The following CLPTM1 variants were observed in gnomAD, a reference collection of about 807,000 sequenced individuals.
CLPTM1 encodes CLPTM1 regulator of GABA type A receptor forward trafficking.
A neutral mutation model predicts 77.3 loss-of-function variants in CLPTM1; 21 were observed. That is an observed-to-expected ratio of 0.27 (90% CI 0.19 to 0.39). CLPTM1 has a LOEUF of 0.39. Among genes scored for constraint, CLPTM1 ranks in the 10% least tolerant of loss-of-function variants. CLPTM1 has a pLI of 1.00. For missense variants in CLPTM1, 642 were observed against 921.2 expected (o/e 0.70, Z 3.92); for synonymous variants, 373 against 381.0 (o/e 0.98, Z 0.24).
intron 2 of CLPTM1, among the ~76,000 whole-genome samples, chr19:44,969,436 G>A (rs931915469): frequency 2.0e-5 from 3 of 152,114 alleles, no homozygotes; most frequent in African/African-American, 7.2e-5. Context: ...ATGGCTGCAT[G>A]CAGCTGAGAA....
In CLPTM1 at chr19:44,993,116, G is replaced by C. The variant is rs1297756788; in HGVS notation, c.*219G>C. 1.9e-6 allele frequency: 1 copy of C among 516,992 alleles called. No homozygotes were observed. Among genetic ancestry groups the C allele is most frequent in the Non-Finnish European group, 3.7e-6 (1 of 272,240 alleles). The allele number at this position is 516,992 out of a possible 1,614,324, so 32.0% of individuals were successfully genotyped here. On this transcript the variant is annotated 3_prime_UTR_variant, in exon 14 of 14. Transcript: ENST00000337392. Reference sequence around the variant, plus strand: ...GTCCCTCTGTCCCTCTGTGTTTCCAGCCATCTCGCCCTGCCAGCCCAGCAC... The same window carrying C: ...GTCCCTCTGTCCCTCTGTGTTTCCACCCATCTCGCCCTGCCAGCCCAGCAC...
At chr19:44,955,293 G>T (rs1219076061), upstream of CLPTM1, 7 of 1,445,842 alleles carry the variant, frequency 4.8e-6, no homozygotes, top group Admixed American at 2.6e-5. Context: ...GCCGGATAGG[G>T]TGGCCCGGCG....
rs200436314 is a variant in CLPTM1, at chr19:44,977,348, C to T, written c.474C>T (p.Val158=). The T allele has an allele frequency of 8.7e-6, 14 of 1,608,804 alleles. No individual in the cohort carries two copies. The East Asian group carries it at 2.9e-4, about 33-fold the overall frequency. ...HFAELDIPQS[V]QQNGSIYIHV... is the part of the protein sequence containing the mutation. ...TGACCTTCCGTCTTTTGCAGAGCGT[C>T]CAGCAGAACGGCTCCATCTACATCC... The change falls in exon 5 of 14, where the codon GTC becomes GTT. Residue 158 remains valine, a synonymous_variant. Coordinates refer to ENST00000337392, the MANE Select transcript of CLPTM1 (RefSeq NM_001294.4).
intron 5 of CLPTM1, among the ~76,000 whole-genome samples, chr19:44,978,563 G>T (rs934655789): frequency 2.0e-5 from 3 of 150,226 alleles, no homozygotes; most frequent in East Asian, 2.0e-4. Flanking sequence ...AACCTGGGAG[G>T]TCAAGGATGC....
At chr19:44,955,009 C>A (rs1970434754), upstream of CLPTM1, 1 of 1,535,592 alleles carries the variant, frequency 6.5e-7, no homozygotes. Context: ...GCTCAAGAAA[C>A]ATGGAACGAA....
Position 44,967,057 on chromosome 19 carries a change from A to G in CLPTM1, c.185+4982A>G, listed in dbSNP as rs540786246. ...AGGGTTTCATCGTGTTAGCCAGGAT[A>G]GTCTCGATCTCCTGACCTCGCTATC... On this transcript the variant is annotated intron_variant, in intron 2 of 13. Transcript: ENST00000337392. 2.0e-4 allele frequency among the ~76,000 whole-genome samples: 31 copies of G among 152,274 alleles called. No homozygotes were observed. The East Asian group carries it at 3.5e-3, about 17-fold the overall frequency.
At position 44,972,501 on chromosome 19, in the gene CLPTM1, G is replaced by A. The variant is rs373111578; in HGVS notation, c.186-586G>A. Among the ~76,000 whole-genome samples the A allele has an allele frequency of 7.2e-4, 110 of 152,022 alleles. 2 individuals carry two copies. The East Asian group carries it at 0.015, about 21-fold the overall frequency. Reference sequence around the variant, plus strand: ...CCTGACCTCGTGATCCGCCCGCCTTGGCCTCCCAAAGTGCTGGGATTACAG... The same window carrying A: ...CCTGACCTCGTGATCCGCCCGCCTTAGCCTCCCAAAGTGCTGGGATTACAG... On this transcript the variant is annotated intron_variant, in intron 2 of 13. Transcript: ENST00000337392.
chr19:44,988,139 T>G lies in CLPTM1; in HGVS notation c.1098T>G (p.Val366=). The change falls in exon 9 of 14, where the codon GTT becomes GTG. Residue 366 remains valine (V), a synonymous_variant. Transcript: ENST00000337392. Reference sequence around the variant, plus strand: ...CGCTCACCATCATCGTGTCTATCGTTCACAGTGTCTTCGAGTTCCTGGCCT... The same window carrying G: ...CGCTCACCATCATCGTGTCTATCGTGCACAGTGTCTTCGAGTTCCTGGCCT... ...LLALTIIVSI[V]HSVFEFLAFK... 6.2e-7 allele frequency: 1 copy of G among 1,614,106 alleles called. No homozygotes were observed.
intron 5 of CLPTM1, among the ~76,000 whole-genome samples, chr19:44,983,738 A>G (rs989176137): frequency 7.9e-5 from 12 of 151,884 alleles, no homozygotes; most frequent in Admixed American, 6.6e-5. Context: ...CAAGGTGGGC[A>G]GATCACGAGA....
intron 5 of CLPTM1, among the ~76,000 whole-genome samples, chr19:44,982,932 A>G (rs1970921048): frequency 6.6e-6 from 1 of 152,070 alleles, no homozygotes; most frequent in Non-Finnish European, 1.5e-5. Flanking sequence ...ATGGTGGTGG[A>G]TGCCTGTAAT....
chr19:44,972,972 T>C, intron 2 of CLPTM1, 115 bp from the exon 3 acceptor site: 2 of 1,430,998 alleles, frequency 1.4e-6, no homozygotes, highest in Non-Finnish European at 1.9e-6. Flanking sequence ...CTCCCTGACT[T>C]GGTCACTAGC....
chr19:44,955,346 T>C (rs1226510406), upstream of CLPTM1: 2 of 1,049,906 alleles, frequency 1.9e-6, no homozygotes, highest in African/African-American at 3.5e-5. Context: ...CGCTGCGAAG[T>C]CGGGGACGGG....
chr19:44,960,147 C>G (rs1188840368), intron 1 of CLPTM1, among the ~76,000 whole-genome samples: 2 of 152,184 alleles, frequency 1.3e-5, no homozygotes, highest in Non-Finnish European at 2.9e-5. Flanking sequence ...CCCCATAGAT[C>G]TCCTCATCAG....
chr19:44,958,945 T>C (rs931687858), intron 1 of CLPTM1, among the ~76,000 whole-genome samples: 1 of 152,190 alleles, frequency 6.6e-6, no homozygotes, highest in Admixed American at 6.6e-5. Context: ...TTGGGCATAA[T>C]GGGTTTGAGG....
chr19:44,987,455 G>A (rs559477546), intron 8 of CLPTM1, 32 bp downstream of exon 8: 76 of 1,607,862 alleles, frequency 4.7e-5, no homozygotes, highest in African/African-American at 2.5e-4. Context: ...GGGACTTCCC[G>A]GTGCCTTCCT....
Position 44,990,385 on chromosome 19 carries a change from C to G in CLPTM1, c.1133-10C>G, listed in dbSNP as rs765496919. On this transcript the variant is annotated splice_polypyrimidine_tract_variant and intron_variant, in intron 9 of 13. Transcript: ENST00000337392. The surrounding 1 kb of genome is among the most constrained non-coding windows in gnomAD (Gnocchi z 4.8). ...CAGCCTCCTGGTTCCCCCCTACCCC[C>G]TGCGCACAGATATCCAGTTCTGGAA... is the stretch of plus-strand genomic sequence containing the variant. The G allele has an allele frequency of 4.3e-6, 7 of 1,613,652 alleles. No homozygotes were observed. Among genetic ancestry groups the G allele is most frequent in the Non-Finnish European group, 5.9e-6 (7 of 1,179,666 alleles).
intron 2 of CLPTM1, among the ~76,000 whole-genome samples, chr19:44,972,376 TAGCTGGGACTAC>T (rs1486717053): frequency 1.3e-5 from 2 of 151,484 alleles, no homozygotes; most frequent in East Asian, 3.9e-4. Context: ...GCCTCCGGAG[TAGCTGGGACTAC>T]AGGCGCCCGC....
Position 44,955,383 on chromosome 19 carries a change from C to G in CLPTM1, c.-13C>G. 2 of 1,328,916 alleles carry G rather than the reference C, an allele frequency of 1.5e-6. No homozygotes were observed. Among genetic ancestry groups the G allele is most frequent in the South Asian group, 4.1e-5 (2 of 48,924 alleles). The allele number at this position is 1,328,916 out of a possible 1,614,324, so 82.3% of individuals were successfully genotyped here. A position where few individuals can be genotyped will look rare whatever the true frequency, so the allele number is the denominator to read the frequency against. On this transcript the variant is annotated 5_prime_UTR_variant, in exon 1 of 14. Transcript: ENST00000337392. ...CGGGGCTGGCGGCGGGGGCGGGGAC[C>G]CGGAGCGGGAAGATGGCGGCGGCGC...
intron 5 of CLPTM1, among the ~76,000 whole-genome samples, chr19:44,977,988 T>C (rs1970832221): frequency 6.6e-6 from 1 of 152,052 alleles, no homozygotes; most frequent in South Asian, 2.1e-4. Flanking sequence ...CGTGTGCCTG[T>C]AGTCCCAGCT....
Sources: gnomAD v4.1 joint callset for allele counts (sites outside exome capture counted in the v4.1 genomes callset) on GRCh38, gnomAD v4.1.1 for gene constraint, Gnocchi (gnomAD v3.1) non-coding constraint, MANE v1.5 for transcripts, NCBI Gene and HGNC (gene_info 2026-07-23, HGNC 2026-07-21) for gene names.